Variants in SH3PXD2B observed in about 807,000 individuals in gnomAD.
SH3PXD2B encodes the protein SH3 and PX domains 2B, also known as SH3 and PX domain-containing protein 2B.
SH3PXD2B carries 37 observed loss-of-function variants against 73.1 expected under a neutral mutation model. The observed-to-expected ratio is 0.51, with a 90% CI of 0.39 to 0.67. SH3PXD2B has a LOEUF of 0.67. SH3PXD2B is among the 30% of genes least tolerant of loss of function. The pLI, the probability that SH3PXD2B is intolerant of heterozygous loss-of-function variation, is 0.00. For missense variants in SH3PXD2B, 1,053 were observed against 1,197.8 expected (o/e 0.88, Z 1.78); for synonymous variants, 457 against 480.5 (o/e 0.95, Z 0.64).
chr5:172,448,250 T>C (rs1759718049), intron 1 of SH3PXD2B, among the ~76,000 whole-genome samples: 1 of 152,170 alleles, frequency 6.6e-6, no homozygotes, highest in Non-Finnish European at 1.5e-5. Flanking sequence ...GAAAACTGCA[T>C]AGTGTGCCTT....
At chr5:172,446,517 T>C (rs1057297526) in intron 1 of SH3PXD2B, among the ~76,000 whole-genome samples, 11 of 152,150 alleles carry the variant, frequency 7.2e-5, no homozygotes, top group African/African-American at 2.7e-4. Context: ...CTACCACAGC[T>C]CTTTCTCCGA....
chr5:172,351,462 A>G (rs1181409580), intron 9 of SH3PXD2B, among the ~76,000 whole-genome samples: 2 of 152,278 alleles, frequency 1.3e-5, no homozygotes, highest in Middle Eastern at 3.4e-3. Flanking sequence ...CAGAGGGGCC[A>G]ATCTAGACCA....
rs1358398374 is a variant in SH3PXD2B at position 172,353,528 on chromosome 5, T to C, written c.785+360A>G. On this transcript the variant is annotated intron_variant, in intron 9 of 12. Transcript: ENST00000311601. The surrounding 1 kb of genome is among the most constrained non-coding windows in gnomAD (Gnocchi z 4.3). ...ACAGTCCATGAGTGTTTATGCACCATCTTGTTCTCAGAATGGGGCGGGAGG... is the reference window on the plus strand; with the variant it reads ...ACAGTCCATGAGTGTTTATGCACCACCTTGTTCTCAGAATGGGGCGGGAGG... Among the ~76,000 whole-genome samples the C allele has an allele frequency of 2.6e-5, 4 of 152,196 alleles. No individual in the cohort carries two copies. The highest frequency in any genetic ancestry group is 6.5e-5 in the Admixed American group (1 of 15,286).
intron 1 of SH3PXD2B, among the ~76,000 whole-genome samples, chr5:172,429,342 TG>T (rs34390150): frequency 0.77 from 116,496 of 152,074 alleles, 44,966 homozygotes; most frequent in East Asian, 0.91. Context: ...CAACATGTTT[TG>T]GGGGAGCAGC....
chr5:172,335,630 G>C lies in SH3PXD2B; in HGVS notation c.*2739C>G. 1 of 1,231,826 alleles carries C rather than the reference G, an allele frequency of 8.1e-7. No individual in the cohort carries two copies. Among genetic ancestry groups the C allele is most frequent in the Middle Eastern group, 3.1e-4 (1 of 3,208 alleles). The allele number at this position is 1,231,826 out of a possible 1,614,324, so 76.3% of individuals were successfully genotyped here. A position where few individuals can be genotyped will look rare whatever the true frequency, so the allele number is the denominator to read the frequency against. On this transcript the variant is annotated 3_prime_UTR_variant, in exon 13 of 13. Transcript: ENST00000311601. Reference sequence around the variant, plus strand: ...CGGTGCTTGGCACCATTGTCACGATGGGCCTGGACACTTTCTAGAGCCATG... The same window carrying C: ...CGGTGCTTGGCACCATTGTCACGATCGGCCTGGACACTTTCTAGAGCCATG...
At chr5:172,368,731 A>T (rs1194212875) in intron 6 of SH3PXD2B, among the ~76,000 whole-genome samples, 1 of 99,726 alleles carries the variant, frequency 1.0e-5, no homozygotes, top group Non-Finnish European at 1.9e-5. Flanking sequence ...TAAAATATAT[A>T]TTTAATATAT....
intron 6 of SH3PXD2B, among the ~76,000 whole-genome samples, chr5:172,368,650 A>AACATATATATATTATATATATATG (rs1757618707): frequency 3.1e-5 from 1 of 32,062 alleles, no homozygotes; most frequent in Non-Finnish European, 4.4e-5. Context: ...TTATATATAT[A>AACATATATATATTATATATATATG]AAATATATAT....
At chr5:172,396,549 C>T (rs150593729) in intron 3 of SH3PXD2B, among the ~76,000 whole-genome samples, 1,920 of 151,784 alleles carry the variant, frequency 0.013, 14 homozygotes, top group South Asian at 0.032. Flanking sequence ...GGACAACTTG[C>T]TCTGGTGCAA....
In SH3PXD2B at chr5:172,334,101, A is replaced by C; in HGVS notation, c.*4268T>G. On this transcript the variant is annotated 3_prime_UTR_variant, in exon 13 of 13. Coordinates refer to ENST00000311601, the MANE Select transcript of SH3PXD2B (RefSeq NM_001017995.3). ...GGTTGAGCCCCTCATCCCTGATTGG[A>C]GCTAAGAAGGCTTACTTTGGAGTCG... is the stretch of plus-strand genomic sequence containing the variant. The C allele has an allele frequency of 2.7e-6, 3 of 1,125,516 alleles. No homozygotes were observed. The highest frequency in any genetic ancestry group is 3.3e-6 in the Non-Finnish European group (3 of 915,384). 69.7% of individuals were successfully genotyped at this position (1,125,516 alleles called of 1,614,324 possible). A position where few individuals can be genotyped will look rare whatever the true frequency, so the allele number is the denominator to read the frequency against.
intron 1 of SH3PXD2B, among the ~76,000 whole-genome samples, chr5:172,429,156 AAATG>A (rs1323940224): frequency 5.3e-5 from 8 of 152,356 alleles, no homozygotes; most frequent in African/African-American, 1.9e-4. Context: ...ATGGGGAAGA[AAATG>A]AGATGCCAGG....
intron 10 of SH3PXD2B, among the ~76,000 whole-genome samples, chr5:172,348,642 CTATCTATCTATCCT>C (rs1757057213): frequency 1.5e-5 from 1 of 67,502 alleles, no homozygotes; most frequent in Non-Finnish European, 2.8e-5. Flanking sequence ...ATCTATGTAT[CTATCTATCTATCCT>C]ATCTATCTAT....
At chr5:172,395,416 T>C (rs1430589802) in intron 3 of SH3PXD2B, among the ~76,000 whole-genome samples, 1 of 152,206 alleles carries the variant, frequency 6.6e-6, no homozygotes. Flanking sequence ...TTTCACCAAA[T>C]ATTAACTGAG....
chr5:172,353,387 G>A lies in SH3PXD2B; in HGVS notation c.785+501C>T, dbSNP rs934541624. ...AGCTGGCCACCCTGCCTGCCTGGGA[G>A]GCTCTGATATCATCACATAGGTGAA... is the stretch of plus-strand genomic sequence containing the variant. On this transcript the variant is annotated intron_variant, in intron 9 of 12. Transcript: ENST00000311601. The surrounding 1 kb of genome is among the most constrained non-coding windows in gnomAD (Gnocchi z 4.3). 6.6e-6 allele frequency among the ~76,000 whole-genome samples: 1 copy of A among 152,218 alleles called. No homozygotes were observed. Among genetic ancestry groups the A allele is most frequent in the Non-Finnish European group, 1.5e-5 (1 of 68,042 alleles).
chr5:172,444,885 G>T (rs188098820), intron 1 of SH3PXD2B, among the ~76,000 whole-genome samples: 29 of 151,912 alleles, frequency 1.9e-4, no homozygotes, highest in Admixed American at 1.2e-3. Flanking sequence ...TGGCCTTCCT[G>T]GGGGGGGACC....
At chr5:172,331,993 G>T (rs531513050), downstream of SH3PXD2B, among the ~76,000 whole-genome samples, 1 of 152,172 alleles carries the variant, frequency 6.6e-6, no homozygotes, top group Non-Finnish European at 1.5e-5. Context: ...AATGGCGAGT[G>T]TGACACTTCC....
chr5:172,399,337 T>G (rs1436598147), intron 3 of SH3PXD2B, among the ~76,000 whole-genome samples: 1 of 152,248 alleles, frequency 6.6e-6, no homozygotes, highest in Non-Finnish European at 1.5e-5. Context: ...CAAACAAGCT[T>G]ATTTCTACCC....
At chr5:172,371,159 G>T (rs1225196222) in intron 6 of SH3PXD2B, among the ~76,000 whole-genome samples, 1 of 152,140 alleles carries the variant, frequency 6.6e-6, no homozygotes, top group Non-Finnish European at 1.5e-5. Context: ...GACATGTCTT[G>T]AATTTTTAAG....
chr5:172,408,527 G>A (rs1325939796), intron 2 of SH3PXD2B, among the ~76,000 whole-genome samples: 7 of 127,172 alleles, frequency 5.5e-5, no homozygotes, highest in African/African-American at 1.6e-4. Context: ...TGTGCTTTGG[G>A]TTATCACTTT....
At chr5:172,394,508 A>C in intron 4 of SH3PXD2B, 55 bp downstream of exon 4, 1 of 1,586,516 alleles carries the variant, frequency 6.3e-7, no homozygotes. Context: ...CAGAAAAAGA[A>C]AAGAAAACAG....
Sources: gnomAD v4.1 joint callset for allele counts (sites outside exome capture counted in the v4.1 genomes callset) on GRCh38, gnomAD v4.1.1 for gene constraint, Gnocchi (gnomAD v3.1) non-coding constraint, MANE v1.5 for transcripts, NCBI Gene and HGNC (gene_info 2026-07-23, HGNC 2026-07-21) for gene names.